LRP1B: variants seen among roughly 807,000 people sequenced by gnomAD.
LRP1B encodes the protein LDL receptor related protein 1B, also known as low-density lipoprotein receptor-related protein 1B.
LRP1B carries 217 observed loss-of-function variants against 556.6 expected under a neutral mutation model. The ratio of observed to expected loss-of-function variants is 0.39; its 90% CI spans 0.35 to 0.44. LRP1B has a LOEUF of 0.44. LRP1B is among the 20% of genes least tolerant of loss of function. The pLI, the probability that LRP1B is intolerant of heterozygous loss-of-function variation, is 1.00. For missense variants in LRP1B, 5,053 were observed against 5,620.8 expected (o/e 0.90, Z 3.23); for synonymous variants, 2,047 against 1,865.8 (o/e 1.10, Z -2.50).
At chr2:141,210,910 T>G (rs1257254231) in intron 6 of LRP1B, among the ~76,000 whole-genome samples, 1 of 152,236 alleles carries the variant, frequency 6.6e-6, no homozygotes, top group Non-Finnish European at 1.5e-5. Flanking sequence ...GAATAGTCTT[T>G]GCAGCCTAAC....
At chr2:140,409,439 C>T (rs778951954) in intron 66 of LRP1B, among the ~76,000 whole-genome samples, 1 of 151,848 alleles carries the variant, frequency 6.6e-6, no homozygotes, top group Non-Finnish European at 1.5e-5. Flanking sequence ...TGAAAAGTAA[C>T]AAGTTCGTCC....
intron 79 of LRP1B, among the ~76,000 whole-genome samples, chr2:140,328,140 A>G (rs139384873): frequency 2.0e-5 from 3 of 152,172 alleles, no homozygotes; most frequent in Non-Finnish European, 2.9e-5. Flanking sequence ...AAAAAAATCA[A>G]TTCTCAAGAA....
chr2:140,579,428 C>T (rs1426906111), intron 43 of LRP1B, among the ~76,000 whole-genome samples: 1 of 152,128 alleles, frequency 6.6e-6, no homozygotes, highest in Admixed American at 6.5e-5. Context: ...TACCAGAAGA[C>T]ATGACCACTA....
At chr2:140,458,351 C>T (rs1453790581) in intron 60 of LRP1B, among the ~76,000 whole-genome samples, 1 of 152,054 alleles carries the variant, frequency 6.6e-6, no homozygotes, top group African/African-American at 2.4e-5. Flanking sequence ...TAAATGTAAA[C>T]AGTAGAGTGA....
At chr2:142,023,137 T>G (rs1196962833) in intron 1 of LRP1B, among the ~76,000 whole-genome samples, 1 of 152,196 alleles carries the variant, frequency 6.6e-6, no homozygotes, top group African/African-American at 2.4e-5. Flanking sequence ...ATCAACAACC[T>G]TACCCTTACC....
intron 66 of LRP1B, among the ~76,000 whole-genome samples, chr2:140,436,606 GTCT>G (rs1209102437): frequency 1.6e-5 from 2 of 125,608 alleles, no homozygotes; most frequent in African/African-American, 6.1e-5. Context: ...ACTGCTCACT[GTCT>G]TTTTTTTTTT....
At chr2:141,714,262 G>T (rs1167774297) in intron 2 of LRP1B, among the ~76,000 whole-genome samples, 1 of 152,134 alleles carries the variant, frequency 6.6e-6, no homozygotes, top group African/African-American at 2.4e-5. Context: ...AATAACATGT[G>T]AGAAACTGTT....
intron 2 of LRP1B, among the ~76,000 whole-genome samples, chr2:141,554,792 T>C (rs1685900215): frequency 6.6e-6 from 1 of 151,992 alleles, no homozygotes; most frequent in Admixed American, 6.6e-5. Flanking sequence ...GTGGTCTACA[T>C]TAGTGCTAAC....
intron 3 of LRP1B, among the ~76,000 whole-genome samples, chr2:141,271,996 T>C (rs906102283): frequency 2.6e-5 from 4 of 151,970 alleles, no homozygotes; most frequent in East Asian, 3.9e-4. Context: ...TGACATCAGA[T>C]TGTAATCCAC....
intron 3 of LRP1B, among the ~76,000 whole-genome samples, chr2:141,303,539 T>C (rs540640989): frequency 6.6e-6 from 1 of 152,288 alleles, no homozygotes; most frequent in Non-Finnish European, 1.5e-5. Context: ...CTATGCAATA[T>C]TTTTATTTCA....
At chr2:140,762,812 G>T (rs1175463878) in intron 35 of LRP1B, among the ~76,000 whole-genome samples, 1 of 152,004 alleles carries the variant, frequency 6.6e-6, no homozygotes, top group Non-Finnish European at 1.5e-5. Context: ...AAATTCAGAA[G>T]CTGAATCACA....
At chr2:142,105,726 G>A (rs115298633) in intron 1 of LRP1B, among the ~76,000 whole-genome samples, 29 of 152,198 alleles carry the variant, frequency 1.9e-4, no homozygotes, top group Non-Finnish European at 3.1e-4. Context: ...TCAGGGTCTA[G>A]ATTTTAAATT....
chr2:140,840,187 G>T, intron 30 of LRP1B, 102 bp from the exon 31 acceptor site: 1 of 643,500 alleles, frequency 1.6e-6, no homozygotes, highest in Non-Finnish European at 2.5e-6. Context: ...ATATATTCTT[G>T]ACTCAGGATT....
intron 29 of LRP1B, among the ~76,000 whole-genome samples, chr2:140,847,248 C>T (rs892371730): frequency 3.3e-5 from 5 of 152,182 alleles, no homozygotes; most frequent in African/African-American, 1.2e-4. Flanking sequence ...GCTAAAGTGG[C>T]CTCTTCCAAA....
At chr2:141,693,204 A>G (rs745836913) in intron 2 of LRP1B, among the ~76,000 whole-genome samples, 11 of 151,982 alleles carry the variant, frequency 7.2e-5, no homozygotes, top group Non-Finnish European at 1.3e-4. Flanking sequence ...CTTTTTCAGC[A>G]ATTAGCATTT....
At chr2:141,446,062 T>C (rs534861202) in intron 3 of LRP1B, among the ~76,000 whole-genome samples, 48 of 152,326 alleles carry the variant, frequency 3.2e-4, no homozygotes, top group African/African-American at 1.1e-3. Context: ...TAAGTCTCTT[T>C]GTAGGTCTCT....
intron 35 of LRP1B, among the ~76,000 whole-genome samples, chr2:140,719,634 T>C (rs971134042): frequency 2.0e-5 from 3 of 152,042 alleles, no homozygotes; most frequent in Admixed American, 6.6e-5. Context: ...CACCCAAATT[T>C]TCTCAATATA....
In LRP1B at chr2:140,394,689, TG is replaced by T. The variant is rs546100156; in HGVS notation, c.10415-8681del. 3.4e-3 allele frequency among the ~76,000 whole-genome samples: 518 copies of T among 152,174 alleles called. 2 individuals carry two copies. The highest frequency in any genetic ancestry group is 5.1e-3 in the Non-Finnish European group (347 of 68,004). On this transcript the variant is annotated intron_variant, in intron 66 of 90. Coordinates refer to ENST00000389484, the MANE Select transcript of LRP1B (RefSeq NM_018557.3). Reference sequence around the variant, plus strand: ...ATGTGATAACTTCTAGACAGCAATATGTCAAGCTAAGAGGTAAAGTTCTGTG... The same window carrying T: ...ATGTGATAACTTCTAGACAGCAATATTCAAGCTAAGAGGTAAAGTTCTGTG...
intron 7 of LRP1B, among the ~76,000 whole-genome samples, chr2:141,117,319 C>A (rs571494908): frequency 4.1e-5 from 6 of 145,920 alleles, no homozygotes; most frequent in Non-Finnish European, 9.0e-5. Context: ...AGAGATAATT[C>A]TTGGTGTTTT....
Sources: gnomAD v4.1 joint callset for allele counts (sites outside exome capture counted in the v4.1 genomes callset) on GRCh38, gnomAD v4.1.1 for gene constraint, MANE v1.5 for transcripts, NCBI Gene and HGNC (gene_info 2026-07-23, HGNC 2026-07-21) for gene names.